Variants in SLC24A2 observed in about 807,000 individuals in gnomAD.
The protein encoded by SLC24A2 is sodium/potassium/calcium exchanger 2.
SLC24A2 carries 36 observed loss-of-function variants against 62.0 expected under a neutral mutation model. The observed-to-expected ratio is 0.58, with a 90% CI of 0.44 to 0.77. SLC24A2 has a LOEUF of 0.77. SLC24A2 is among the 30% of genes least tolerant of loss of function. The pLI, the probability that SLC24A2 is intolerant of heterozygous loss-of-function variation, is 0.00. For missense variants in SLC24A2, 846 were observed against 817.9 expected (o/e 1.03, Z -0.42); for synonymous variants, 358 against 294.0 (o/e 1.22, Z -2.23).
Position 19,636,328 on chromosome 9 carries a change from TTTCTTTCTTTC to T in SLC24A2, c.931-14040_931-14030del, listed in dbSNP as rs1818337784. Among the ~76,000 whole-genome samples, 3 of 28,856 alleles carry T rather than the reference TTTCTTTCTTTC, an allele frequency of 1.0e-4. 1 individual carries two copies. Among genetic ancestry groups the T allele is most frequent in the South Asian group, 1.3e-3 (1 of 752 alleles). 18.9% of individuals were successfully genotyped at this position (28,856 alleles called of 152,430 possible). A position where few individuals can be genotyped will look rare whatever the true frequency, so the allele number is the denominator to read the frequency against. ...TCTTTTCTTTTCTTTTCTTTCTTTC[TTTCTTTCTTTC>T]TTTCTTTCTTTCTTTCTTTCTTTCT... On this transcript the variant is annotated intron_variant, in intron 2 of 10. Transcript: ENST00000341998.
the SLC24A2 span, among the ~76,000 whole-genome samples, chr9:20,237,988 C>G: frequency 1.3e-5 from 2 of 152,160 alleles, no homozygotes; most frequent in South Asian, 4.1e-4. Flanking sequence ...GACAACCACA[C>G]TCCATGGTGC....
the SLC24A2 span, among the ~76,000 whole-genome samples, chr9:19,856,477 T>A: frequency 1.9e-4 from 29 of 151,946 alleles, no homozygotes; most frequent in Non-Finnish European, 3.4e-4. Context: ...TTTTGTGGGG[T>A]CTTTTTTGTT....
At chr9:20,043,174 C>A in the SLC24A2 span, among the ~76,000 whole-genome samples, 1 of 152,114 alleles carries the variant, frequency 6.6e-6, no homozygotes, top group East Asian at 1.9e-4. Context: ...AGGGCTCTTG[C>A]ACCAGTTAGC....
intron 2 of SLC24A2, among the ~76,000 whole-genome samples, chr9:19,626,724 A>G (rs1818044763): frequency 6.6e-6 from 1 of 152,224 alleles, no homozygotes; most frequent in African/African-American, 2.4e-5. Context: ...GTGAGGAATG[A>G]TTTGAATGAC....
chr9:20,222,176 G>C, the SLC24A2 span, among the ~76,000 whole-genome samples: 2 of 151,718 alleles, frequency 1.3e-5, no homozygotes, highest in Admixed American at 6.6e-5. Context: ...AAACATGTAA[G>C]AGTGACAACT....
chr9:19,684,999 G>C (rs1819837871), intron 2 of SLC24A2, among the ~76,000 whole-genome samples: 1 of 152,064 alleles, frequency 6.6e-6, no homozygotes, highest in Non-Finnish European at 1.5e-5. Context: ...CTCCAGCAAA[G>C]TTTCAGGATA....
At chr9:19,974,165 G>A in the SLC24A2 span, among the ~76,000 whole-genome samples, 1 of 152,040 alleles carries the variant, frequency 6.6e-6, no homozygotes, top group Non-Finnish European at 1.5e-5. Flanking sequence ...ATAATTTCTA[G>A]GAGAATGCCA....
the SLC24A2 span, among the ~76,000 whole-genome samples, chr9:19,839,266 A>C: frequency 9.1e-4 from 138 of 152,342 alleles, no homozygotes; most frequent in African/African-American, 3.3e-3. Context: ...GATGTGGAGA[A>C]ATAGGAACAA....
At chr9:20,106,155 T>C in the SLC24A2 span, among the ~76,000 whole-genome samples, 1 of 152,122 alleles carries the variant, frequency 6.6e-6, no homozygotes, top group Non-Finnish European at 1.5e-5. Flanking sequence ...CAGGAAGAAG[T>C]TGAATCTCTG....
At chr9:19,741,506 C>A (rs931999098) in intron 2 of SLC24A2, among the ~76,000 whole-genome samples, 2 of 152,142 alleles carry the variant, frequency 1.3e-5, no homozygotes, top group African/African-American at 4.8e-5. Flanking sequence ...CTGAGCAGCT[C>A]CCTCCTCAAG....
intron 5 of SLC24A2, among the ~76,000 whole-genome samples, chr9:19,578,358 C>CAAAA (rs3085616): frequency 2.2e-5 from 3 of 135,644 alleles, no homozygotes; most frequent in African/African-American, 8.3e-5. Flanking sequence ...TGCAATAAGC[C>CAAAA]AAAAAAAAAA....
chr9:19,771,689 T>C (rs1287729255), intron 2 of SLC24A2, among the ~76,000 whole-genome samples: 2 of 152,226 alleles, frequency 1.3e-5, no homozygotes, highest in African/African-American at 4.8e-5. Flanking sequence ...GAACCAATTG[T>C]GCATTTTTGT....
chr9:19,877,975 A>C, the SLC24A2 span, among the ~76,000 whole-genome samples: 1 of 152,148 alleles, frequency 6.6e-6, no homozygotes, highest in African/African-American at 2.4e-5. Context: ...TGAATCTATG[A>C]GGCTTGGGGG....
At chr9:19,716,388 C>G (rs1443445036) in intron 2 of SLC24A2, among the ~76,000 whole-genome samples, 2 of 152,210 alleles carry the variant, frequency 1.3e-5, no homozygotes, top group Non-Finnish European at 2.9e-5. Context: ...TTACTATGTG[C>G]CAGGAATTGT....
chr9:19,578,074 T>C (rs1486380173), intron 5 of SLC24A2, among the ~76,000 whole-genome samples: 1 of 148,100 alleles, frequency 6.8e-6, no homozygotes, highest in Non-Finnish European at 1.5e-5. Flanking sequence ...CAATAGACTT[T>C]GGGGACTTGG....
At chr9:19,547,865 A>C (rs1563953474) in intron 8 of SLC24A2, among the ~76,000 whole-genome samples, 1 of 151,764 alleles carries the variant, frequency 6.6e-6, no homozygotes, top group Non-Finnish European at 1.5e-5. Context: ...GAGACAATGC[A>C]AGCATATCTT....
At chr9:19,790,065 C>A (rs559102298), upstream of SLC24A2, among the ~76,000 whole-genome samples, 5 of 151,668 alleles carry the variant, frequency 3.3e-5, no homozygotes, top group East Asian at 5.8e-4. Flanking sequence ...TTCCCCCCAC[C>A]CCCCAATCAA....
the SLC24A2 span, among the ~76,000 whole-genome samples, chr9:20,177,421 T>G: frequency 1.3e-5 from 2 of 152,120 alleles, no homozygotes; most frequent in African/African-American, 4.8e-5. Context: ...TCTTCTTTGT[T>G]GCAGCAGAAA....
At chr9:20,083,840 T>G in the SLC24A2 span, among the ~76,000 whole-genome samples, 3 of 152,214 alleles carry the variant, frequency 2.0e-5, no homozygotes, top group Non-Finnish European at 4.4e-5. Flanking sequence ...GGTTTCTCCT[T>G]TAGGAGTTCA....
Sources: gnomAD v4.1 joint callset for allele counts (sites outside exome capture counted in the v4.1 genomes callset) on GRCh38, gnomAD v4.1.1 for gene constraint, MANE v1.5 for transcripts, NCBI Gene and HGNC (gene_info 2026-07-23, HGNC 2026-07-21) for gene names.